Variants in PTPRA observed in about 807,000 individuals in gnomAD.
PTPRA encodes receptor-type tyrosine-protein phosphatase alpha.
A neutral mutation model predicts 104.8 loss-of-function variants in PTPRA; 25 were observed. The observed-to-expected ratio is 0.24, with a 90% CI of 0.17 to 0.33. The LOEUF is 0.33. PTPRA is among the 10% of genes least tolerant of loss of function. The pLI is 1.00. For synonymous variants in PTPRA, 323 were observed against 368.9 expected (o/e 0.88, Z 1.43); for missense variants, 765 against 1,015.3 (o/e 0.75, Z 3.35).
intron 1 of PTPRA, among the ~76,000 whole-genome samples, chr20:2,914,453 G>A (rs2147265856): frequency 6.7e-6 from 1 of 148,244 alleles, no homozygotes; most frequent in African/African-American, 2.4e-5. Flanking sequence ...CTCTGTGTGT[G>A]TGTGTGTGTG....
In PTPRA at chr20:2,985,041, G is replaced by A. The variant is rs2062843512; in HGVS notation, c.443-1724G>A. Among the ~76,000 whole-genome samples the A allele has an allele frequency of 2.6e-5, 4 of 152,196 alleles. No homozygotes were observed. The South Asian group carries it at 8.3e-4, about 32-fold the overall frequency. Reference sequence around the variant, plus strand: ...CTTCCTTCCTCCCCACAGAATGGAAGCTTTCTATCACTTGTCTCCTTGAAC... The same window carrying A: ...CTTCCTTCCTCCCCACAGAATGGAAACTTTCTATCACTTGTCTCCTTGAAC... On this transcript the variant is annotated intron_variant, in intron 6 of 23. Coordinates refer to ENST00000399903, the MANE Select transcript of PTPRA (RefSeq NM_001385305.1).
chr20:3,034,991 G>A (rs746997416), intron 20 of PTPRA, among the ~76,000 whole-genome samples: 8 of 152,072 alleles, frequency 5.3e-5, no homozygotes, highest in Admixed American at 2.6e-4. Context: ...GAAAAGAGAC[G>A]CAGCCACTCC....
chr20:2,996,444 A>G (rs202149773), intron 9 of PTPRA, among the ~76,000 whole-genome samples: 2 of 152,246 alleles, frequency 1.3e-5, no homozygotes, highest in East Asian at 3.8e-4. Flanking sequence ...TAATATTTTT[A>G]GTAACCATCA....
At chr20:2,919,275 T>C (rs2060017783) in intron 1 of PTPRA, among the ~76,000 whole-genome samples, 1 of 152,212 alleles carries the variant, frequency 6.6e-6, no homozygotes, top group Non-Finnish European at 1.5e-5. Context: ...GCCTGAGCCT[T>C]TATTTAATGC....
In PTPRA at chr20:3,022,028, A is replaced by G; in HGVS notation, c.1162-26A>G. On this transcript the variant is annotated intron_variant, in intron 14 of 23. Transcript: ENST00000399903. The surrounding 1 kb of genome is among the most constrained non-coding windows in gnomAD (Gnocchi z 4.6). ...TGCCCACCCTTGGGTATCAGGGCCA[A>G]CACACAGGATCTCCTCACTTCACAG... is the stretch of plus-strand genomic sequence containing the variant. The G allele has an allele frequency of 1.2e-6, 2 of 1,613,456 alleles. No homozygotes were observed. The highest frequency in any genetic ancestry group is 1.7e-6 in the Non-Finnish European group (2 of 1,179,544).
At chr20:2,943,988 A>G (rs73581752) in intron 2 of PTPRA, among the ~76,000 whole-genome samples, 5,526 of 151,608 alleles carry the variant, frequency 0.036, 333 homozygotes, top group African/African-American at 0.12. Flanking sequence ...TTGGCTCACA[A>G]TTCTGTGAAT....
At chr20:2,877,898 A>C (rs1295122658) in intron 1 of PTPRA, among the ~76,000 whole-genome samples, 1 of 152,202 alleles carries the variant, frequency 6.6e-6, no homozygotes, top group Non-Finnish European at 1.5e-5. Context: ...CACGCCTGTA[A>C]TCCCAGCACT....
At chr20:2,895,295 A>G (rs12481210) in intron 1 of PTPRA, among the ~76,000 whole-genome samples, 10,629 of 151,414 alleles carry the variant, frequency 0.07, 521 homozygotes, top group Admixed American at 0.11. Flanking sequence ...AGGCTGGTCT[A>G]GAACTCCTGA....
rs1399589894 is a variant in PTPRA, at chr20:3,022,382, G to A, written c.1328+162G>A. ...GAGACTCCAAGTTCTAGTGCAGGGT[G>A]GAGAATATGACTTGAGGAAGGAGGG... On this transcript the variant is annotated intron_variant, in intron 15 of 23. Coordinates refer to ENST00000399903, the MANE Select transcript of PTPRA (RefSeq NM_001385305.1). The surrounding 1 kb of genome is among the most constrained non-coding windows in gnomAD (Gnocchi z 4.6). 6.6e-6 allele frequency among the ~76,000 whole-genome samples: 1 copy of A among 152,206 alleles called. No individual in the cohort carries two copies. The highest frequency in any genetic ancestry group is 1.9e-4 in the East Asian group (1 of 5,198).
At chr20:2,872,379 G>A (rs1431701377), upstream of PTPRA, among the ~76,000 whole-genome samples, 1 of 152,258 alleles carries the variant, frequency 6.6e-6, no homozygotes, top group Non-Finnish European at 1.5e-5. This position sits in a 1 kb window ranked among gnomAD's most constrained non-coding sequence, Gnocchi z 7.9. Context: ...CCGGTCTGGA[G>A]GAGAGACTCG....
chr20:2,864,481 G>A, the PTPRA span: 1 of 1,614,186 alleles, frequency 6.2e-7, no homozygotes, highest in Non-Finnish European at 8.5e-7. The surrounding 1 kb of genome is among the most constrained non-coding windows in gnomAD (Gnocchi z 5.2). Flanking sequence ...AGTGGGCAGG[G>A]TTGTGGTGTA....
chr20:3,036,765 T>C (rs2065819017), intron 22 of PTPRA, among the ~76,000 whole-genome samples: 2 of 152,200 alleles, frequency 1.3e-5, no homozygotes, highest in Non-Finnish European at 2.9e-5. Flanking sequence ...TGGAAAGGAA[T>C]CAGCAGATAC....
chr20:2,996,687 A>G (rs2148220505), intron 9 of PTPRA, among the ~76,000 whole-genome samples: 1 of 152,360 alleles, frequency 6.6e-6, no homozygotes, highest in East Asian at 1.9e-4. Flanking sequence ...TTACAGAAGA[A>G]ATACAGATGG....
At chr20:2,962,636 C>CAG (rs2061795649) in intron 3 of PTPRA, among the ~76,000 whole-genome samples, 1 of 152,092 alleles carries the variant, frequency 6.6e-6, no homozygotes, top group East Asian at 1.9e-4. Context: ...TGGGTTCTGC[C>CAG]AGAGATCCAT....
intron 6 of PTPRA, among the ~76,000 whole-genome samples, chr20:2,978,049 G>A (rs927808246): frequency 6.6e-6 from 1 of 152,122 alleles, no homozygotes. Context: ...GAAAGAGTAA[G>A]TCATGTGTTT....
In PTPRA at chr20:3,038,520, G is replaced by A. The variant is rs2065907607; in HGVS notation, c.*387G>A. 3 of 260,336 alleles carry A rather than the reference G, an allele frequency of 1.2e-5. No individual in the cohort carries two copies. The highest frequency in any genetic ancestry group is 1.2e-4 in the East Asian group (1 of 8,038). The allele number at this position is 260,336 out of a possible 1,614,324, so 16.1% of individuals were successfully genotyped here. On this transcript the variant is annotated 3_prime_UTR_variant, in exon 24 of 24. Coordinates refer to ENST00000399903, the MANE Select transcript of PTPRA (RefSeq NM_001385305.1). ...GCTCTCGAGGAAAGTGGTTGTCCCC[G>A]TACCACCATGCACTGTAAATATCCC...
the PTPRA span, chr20:2,865,358 C>T: frequency 6.2e-7 from 1 of 1,613,930 alleles, no homozygotes. This position sits in a 1 kb window ranked among gnomAD's most constrained non-coding sequence, Gnocchi z 5.2. Flanking sequence ...CCAGGACCAC[C>T]TGCCTCTCCT....
intron 1 of PTPRA, among the ~76,000 whole-genome samples, chr20:2,913,843 A>C (rs926906735): frequency 6.6e-6 from 1 of 152,152 alleles, no homozygotes; most frequent in Admixed American, 6.5e-5. Flanking sequence ...AGACAATGTA[A>C]GTATCCCATT....
intron 9 of PTPRA, among the ~76,000 whole-genome samples, chr20:3,000,411 A>G (rs1432564566): frequency 6.6e-6 from 1 of 152,226 alleles, no homozygotes; most frequent in African/African-American, 2.4e-5. Flanking sequence ...AGAGAAATGT[A>G]AATCAGTTAA....
Sources: allele counts gnomAD v4.1 joint callset (sites outside exome capture counted in the v4.1 genomes callset), GRCh38; gene constraint gnomAD v4.1.1; non-coding constraint Gnocchi (gnomAD v3.1); transcripts MANE v1.5; gene names NCBI Gene and HGNC (gene_info 2026-07-23, HGNC 2026-07-21).